The following FLG variants were observed in gnomAD, a reference collection of about 807,000 sequenced individuals.
The protein encoded by FLG is epidermal filaggrin.
Under a neutral mutation model 3.8 loss-of-function variants are expected in FLG, and 6 were observed. That is an observed-to-expected ratio of 1.60 (90% confidence interval 0.87 to 3.15). FLG has a LOEUF of 3.15. Among genes scored for constraint, FLG ranks in the 30% most tolerant of loss-of-function variants. The probability of loss-of-function intolerance (pLI) is 0.00; values close to 1 mark genes in which losing one functional copy is unlikely to be tolerated. For missense variants in FLG, 7,595 were observed against 5,050.9 expected (o/e 1.50, Z -15.27); for synonymous variants, 2,551 against 1,931.6 (o/e 1.32, Z -8.41).
Position 152,309,372 on chromosome 1 carries a change from G to A in FLG, c.5514C>T (p.His1838=), listed in dbSNP as rs758272285. ...TGGTGTGGCTGTGATGAGACCCTGA[G>A]TGTCCAGAACTATCTACCGATTGCT... The part of the protein sequence containing the change: ...HYEQSVDSSG[H]SGSHHSHTTS... The change falls in exon 3 of 3, where the codon CAC becomes CAT. Residue 1838 remains histidine, a synonymous_variant. Transcript: ENST00000368799. 2.5e-6 allele frequency: 4 copies of A among 1,613,872 alleles called. No homozygotes were observed. The East Asian group carries it at 6.7e-5, about 27-fold the overall frequency.
Position 152,308,939 on chromosome 1 carries a change from C to T in FLG, c.5947G>A (p.Glu1983Lys). 1 of 1,614,144 alleles carries T rather than the reference C, an allele frequency of 6.2e-7. No homozygotes were observed. Among genetic ancestry groups the T allele is most frequent in the Non-Finnish European group, 8.5e-7 (1 of 1,179,998 alleles). ...SSRQSGTRHT[E>K]SSSRGQAASS... Reference sequence around the variant, plus strand: ...GCAGCCTGTCCACGAGAGGAAGACTCTGTGTGACGAGTGCCTGATTGTCTG... The same window carrying T: ...GCAGCCTGTCCACGAGAGGAAGACTTTGTGTGACGAGTGCCTGATTGTCTG... Residue 1983 changes from glutamate to lysine, a missense_variant, in exon 3 of 3, where the codon GAG becomes AAG. Glu to Lys is a moderately conservative substitution (Grantham distance 56). Transcript: ENST00000368799.
Position 152,307,186 on chromosome 1 carries a change from A to C in FLG, c.7700T>G (p.Phe2567Cys), listed in dbSNP as rs764250530. The change falls in exon 3 of 3, where the codon TTT becomes TGT. Residue 2567 changes from phenylalanine (F) to cysteine (C), a missense_variant. Transcript: ENST00000368799. ...TCCCTGACTGTCACTGTCCTGGCTA[A>C]AACTGGATCCCCAGTTCCTGCTTGT... is the stretch of plus-strand genomic sequence containing the variant. ...PRTSRNWGSS[F>C]SQDSDSQGHS... The C allele has an allele frequency of 1.4e-5, 23 of 1,612,404 alleles. 1 individual carries two copies. In the Admixed American group the frequency reaches 3.8e-4, roughly 27 times the overall value.
At position 152,303,462 on chromosome 1, in the gene FLG, A is replaced by C; in HGVS notation, c.11424T>G (p.Ser3808Arg). Residue 3808 changes from serine to arginine, a missense_variant, in exon 3 of 3, where the codon AGT (serine) becomes AGG (arginine). Transcript: ENST00000368799. ...DASHGQSGSRSASRETRNEEQ... is the reference protein window; with the variant it reads ...DASHGQSGSRRASRETRNEEQ... The stretch of plus-strand genomic sequence containing the variant: ...CCTCATTACGTGTTTCTCTGCTTGC[A>C]CTTCTGGATCCTGACTGCCCATGGG... 1 of 1,613,848 alleles carries C rather than the reference A, an allele frequency of 6.2e-7. No individual in the cohort carries two copies. Among genetic ancestry groups the C allele is most frequent in the Non-Finnish European group, 8.5e-7 (1 of 1,179,962 alleles).
Position 152,310,031 on chromosome 1 carries a change from A to C in FLG, c.4855T>G (p.Tyr1619Asp), listed in dbSNP as rs1470787265. Reference sequence around the variant, plus strand: ...CTTGACTGCTCCCGAGCAGATCCATAATGGTTTCTGGAAGCCGACTCAGAC... The same window carrying C: ...CTTGACTGCTCCCGAGCAGATCCATCATGGTTTCTGGAAGCCGACTCAGAC... ...RRSESASRNHYGSAREQSRHG... is the reference protein window; with the variant it reads ...RRSESASRNHDGSAREQSRHG... The change falls in exon 3 of 3, where the codon TAT (tyrosine) becomes GAT (aspartate). Residue 1619 changes from tyrosine (Y) to aspartate (D), a missense_variant. Transcript: ENST00000368799. The C allele has an allele frequency of 3.7e-6, 6 of 1,612,376 alleles. No individual in the cohort carries two copies. Among genetic ancestry groups the C allele is most frequent in the Non-Finnish European group, 5.1e-6 (6 of 1,179,708 alleles).
At position 152,302,719 on chromosome 1, in the gene FLG, C is replaced by A; in HGVS notation, c.12167G>T (p.Arg4056Ile). 1 of 1,613,616 alleles carries A rather than the reference C, an allele frequency of 6.2e-7. No individual in the cohort carries two copies. Among genetic ancestry groups the A allele is most frequent in the African/African-American group, 1.3e-5 (1 of 75,038 alleles). ...SKQLGFSQSQ[R>I]YYYYE ...AATTTCTTACTCATAGTAATAGTAT[C>A]TCTGTGACTGACTAAATCCCAGTTG... The change falls in exon 3 of 3, where the codon AGA (arginine) becomes ATA (isoleucine). Residue 4056 changes from arginine (R) to isoleucine (I), a missense_variant. Coordinates refer to ENST00000368799, the MANE Select transcript of FLG (RefSeq NM_002016.2).
Position 152,303,018 on chromosome 1 carries a change from A to G in FLG, c.11868T>C (p.Tyr3956=), listed in dbSNP as rs755341966. The G allele has an allele frequency of 9.9e-6, 16 of 1,614,080 alleles. 1 individual carries two copies. Among genetic ancestry groups the G allele is most frequent in the South Asian group, 7.7e-5 (7 of 91,082 alleles). The stretch of plus-strand genomic sequence containing the variant: ...TTTCAGTGCCCTCAGATTGATAATG[A>G]TAAGAACTAGAACTGTGAGGACTGC... ...SRGSPHSSSS[Y]HYQSEGTERQ... Residue 3956 remains tyrosine, a synonymous_variant, in exon 3 of 3, where the codon TAT becomes TAC. Coordinates refer to ENST00000368799, the MANE Select transcript of FLG (RefSeq NM_002016.2).
At position 152,312,346 on chromosome 1, in the gene FLG, GA is replaced by G; in HGVS notation, c.2539del (p.Ser847GlnfsTer15). On this transcript the variant is annotated frameshift_variant, in exon 3 of 3. Coordinates refer to ENST00000368799, the MANE Select transcript of FLG (RefSeq NM_002016.2). LOFTEE classifies it low-confidence loss of function (END_TRUNC). The part of the protein sequence containing the change: ...GQDTIRGHPG[S>X]SRRGRQGSHH... ...GGACCCCTGCCTTCCTCTTCTGCTT[GA>G]CCCCGGGTGTCCACGAATGGTGTCC... The G allele has an allele frequency of 1.2e-6, 2 of 1,611,872 alleles. No homozygotes were observed. Among genetic ancestry groups the G allele is most frequent in the Non-Finnish European group, 1.7e-6 (2 of 1,179,432 alleles).
Position 152,305,325 on chromosome 1 carries a change from A to G in FLG, c.9561T>C (p.Thr3187=), listed in dbSNP as rs535902302. The G allele has an allele frequency of 1.4e-5, 22 of 1,609,744 alleles. No homozygotes were observed. The highest frequency in any genetic ancestry group is 1.9e-5 in the Non-Finnish European group (22 of 1,179,244). Residue 3187 remains threonine (T), a synonymous_variant, in exon 3 of 3, where the codon ACT becomes ACC. Transcript: ENST00000368799. The stretch of plus-strand genomic sequence containing the variant: ...GTGAGTGTCTAGAGATGTCGGCATG[A>G]GTGGAAGCTTCATGGTGACGTGACA... ...HSVSRHHEAS[T]HADISRHSQA...
At position 152,311,954 on chromosome 1, in the gene FLG, A is replaced by G. The variant is rs544204580; in HGVS notation, c.2932T>C (p.Ser978Pro). The G allele has an allele frequency of 4.6e-4, 749 of 1,613,662 alleles. 5 individuals are homozygous for G. The African/African-American group carries it at 9.1e-3, about 20-fold the overall frequency. The change falls in exon 3 of 3, where the codon TCA becomes CCA. Residue 978 changes from serine (S) to proline (P), a missense_variant. Physicochemically the swap from Ser to Pro is moderately conservative, Grantham distance 74. Transcript: ENST00000368799. ...CTGGGGTGTCTGGAGCCATGTCTTG[A>G]CTGCTCCTGAGCAGATCCACGATGG... The part of the protein sequence containing the change: ...RNHRGSAQEQ[S>P]RHGSRHPRSH...
At position 152,314,062 on chromosome 1, in the gene FLG, C is replaced by A. The variant is rs577951951; in HGVS notation, c.824G>T (p.Arg275Ile). The change falls in exon 3 of 3, where the codon AGA becomes ATA. Residue 275 changes from arginine (R) to isoleucine (I), a missense_variant. Coordinates refer to ENST00000368799, the MANE Select transcript of FLG (RefSeq NM_002016.2). ...GKSSSQVNRSRHENTSQVPLQ... is the reference protein window; with the variant it reads ...GKSSSQVNRSIHENTSQVPLQ... ...TGGTACCTGGCTTGTATTTTCATGT[C>A]TTGACCTGTTCACTTGAGATGATGA... 1.9e-6 allele frequency: 3 copies of A among 1,614,190 alleles called. No individual in the cohort carries two copies. The highest frequency in any genetic ancestry group is 2.7e-5 in the African/African-American group (2 of 75,048).
Position 152,304,820 on chromosome 1 carries a change from A to G in FLG, c.10066T>C (p.Ser3356Pro). 6.2e-7 allele frequency: 1 copy of G among 1,613,728 alleles called. No individual in the cohort carries two copies. Among genetic ancestry groups the G allele is most frequent in the South Asian group, 1.1e-5 (1 of 90,996 alleles). ...TGGGGCCCAGCCTGTCCATGGCCTG[A>G]CACTGACTGTGTGTCTGACTCTTCT... is the stretch of plus-strand genomic sequence containing the variant. ...HSEESDTQSV[S>P]GHGQAGPHQQ... is the part of the protein sequence containing the mutation. The change falls in exon 3 of 3, where the codon TCA becomes CCA. Residue 3356 changes from serine to proline, a missense_variant. Transcript: ENST00000368799.
At position 152,311,903 on chromosome 1, in the gene FLG, G is replaced by T. The variant is rs770004815; in HGVS notation, c.2983C>A (p.His995Asn). Residue 995 changes from histidine (H) to asparagine (N), a missense_variant, in exon 3 of 3, where the codon CAC becomes AAC. Transcript: ENST00000368799. ...PRSHHEDRAG[H>N]GHSADSSRQS... ...CTGGAGCTGTCTGCAGAGTGCCCGTGACCGGCTCTGTCTTCGTGATGGGAC... is the reference window on the plus strand; with the variant it reads ...CTGGAGCTGTCTGCAGAGTGCCCGTTACCGGCTCTGTCTTCGTGATGGGAC... The T allele has an allele frequency of 1.2e-6, 2 of 1,614,140 alleles. No individual in the cohort carries two copies. Among genetic ancestry groups the T allele is most frequent in the South Asian group, 1.1e-5 (1 of 91,056 alleles).
Position 152,308,158 on chromosome 1 carries a change from A to G in FLG, c.6728T>C (p.Val2243Ala). Residue 2243 changes from valine (V) to alanine (A), a missense_variant, in exon 3 of 3, where the codon GTT becomes GCT. Coordinates refer to ENST00000368799, the MANE Select transcript of FLG (RefSeq NM_002016.2). ...PRTSRPRGSS[V>A]SQDSDSEGHS... ...TCCCTCACTGTCACTGTCCTGGCTA[A>G]CACTGGATCCCCGGGGCCTGCTTGT... 6.2e-7 allele frequency: 1 copy of G among 1,613,574 alleles called. No homozygotes were observed. Among genetic ancestry groups the G allele is most frequent in the Non-Finnish European group, 8.5e-7 (1 of 1,179,886 alleles).
In FLG at chr1:152,305,083, G is replaced by T; in HGVS notation, c.9803C>A (p.Ala3268Glu). The change falls in exon 3 of 3, where the codon GCA becomes GAA. Residue 3268 changes from alanine (A) to glutamate (E), a missense_variant. Ala to Glu is a moderately radical substitution (Grantham distance 107). Coordinates refer to ENST00000368799, the MANE Select transcript of FLG (RefSeq NM_002016.2). ...AGTGCCTGATTGTCTGGAGCGGTCT[G>T]CAGAGTGCCCGTGACCGGCTCTGTC... ...HEDRAGHGHSADRSRQSGTRH... is the reference protein window; with the variant it reads ...HEDRAGHGHSEDRSRQSGTRH... The T allele has an allele frequency of 6.2e-7, 1 of 1,613,920 alleles. No individual in the cohort carries two copies. Among genetic ancestry groups the T allele is most frequent in the East Asian group, 2.2e-5 (1 of 44,852 alleles).
rs3120644 is a variant in FLG at position 152,306,139 on chromosome 1, T to C, written c.8747A>G (p.His2916Arg). ...TCTTAGCTGCTCCTGAGCAGATCCATGATGGTTTCTGGAAGCAGACCCAGA... is the reference window on the plus strand; with the variant it reads ...TCTTAGCTGCTCCTGAGCAGATCCACGATGGTTTCTGGAAGCAGACCCAGA... ...RWSGSASRNHHGSAQEQLRDG... is the reference protein window; with the variant it reads ...RWSGSASRNHRGSAQEQLRDG... The change falls in exon 3 of 3, where the codon CAT (histidine) becomes CGT (arginine). Residue 2916 changes from histidine to arginine, a missense_variant. Physicochemically the swap from His to Arg is conservative, Grantham distance 29. Coordinates refer to ENST00000368799, the MANE Select transcript of FLG (RefSeq NM_002016.2). 2.9e-4 allele frequency: 464 copies of C among 1,599,362 alleles called. 2 individuals carry two copies. Among genetic ancestry groups the C allele is most frequent in the East Asian group, 1.2e-3 (52 of 44,770 alleles).
At position 152,310,629 on chromosome 1, in the gene FLG, A is replaced by G. The variant is rs1179528833; in HGVS notation, c.4257T>C (p.His1419=). 4 of 1,613,710 alleles carry G rather than the reference A, an allele frequency of 2.5e-6. No individual in the cohort carries two copies. Among genetic ancestry groups the G allele is most frequent in the Non-Finnish European group, 2.5e-6 (3 of 1,179,972 alleles). Residue 1419 remains histidine (H), a synonymous_variant, in exon 3 of 3, where the codon CAT becomes CAC. Transcript: ENST00000368799. ...SVSAHGQAGP[H]QQSHKESARG... The stretch of plus-strand genomic sequence containing the variant: ...GTGCGGACTCTTTGTGGCTCTGCTG[A>G]TGGGGCCCAGCTTGTCCGTGGGCTG...
Position 152,307,792 on chromosome 1 carries a change from C to T in FLG, c.7094G>A (p.Gly2365Asp). ...VRDSGHRGSSGSQASDSEGHS... is the reference protein window; with the variant it reads ...VRDSGHRGSSDSQASDSEGHS... ...TCCCTCACTGTCACTGGCCTGACTA[C>T]CACTGGACCCTCGGTGTCCACTGTC... is the stretch of plus-strand genomic sequence containing the variant. Residue 2365 changes from glycine (G) to aspartate (D), a missense_variant, in exon 3 of 3, where the codon GGT (glycine) becomes GAT (aspartate). Gly to Asp is a moderately conservative substitution (Grantham distance 94, BLOSUM62 -1). Coordinates refer to ENST00000368799, the MANE Select transcript of FLG (RefSeq NM_002016.2). 6.2e-7 allele frequency: 1 copy of T among 1,612,994 alleles called. No homozygotes were observed.
rs1307883022 is a variant in FLG, at chr1:152,309,343, G to A, written c.5543C>T (p.Ser1848Phe). Reference sequence around the variant, plus strand: ...ACGGGAGACATCAGACCTTTCCTGGGACGTGGTGTGGCTGTGATGAGACCC... The same window carrying A: ...ACGGGAGACATCAGACCTTTCCTGGAACGTGGTGTGGCTGTGATGAGACCC... ...HSGSHHSHTT[S>F]QERSDVSRGQ... Residue 1848 changes from serine (S) to phenylalanine (F), a missense_variant, in exon 3 of 3, where the codon TCC (serine) becomes TTC (phenylalanine). Coordinates refer to ENST00000368799, the MANE Select transcript of FLG (RefSeq NM_002016.2). 7.4e-6 allele frequency: 12 copies of A among 1,613,882 alleles called. No individual in the cohort carries two copies. The highest frequency in any genetic ancestry group is 9.3e-6 in the Non-Finnish European group (11 of 1,179,986).
At chr1:152,323,746 A>T (rs1369837339) in intron 1 of FLG, among the ~76,000 whole-genome samples, 1 of 151,634 alleles carries the variant, frequency 6.6e-6, no homozygotes, top group African/African-American at 2.4e-5. Flanking sequence ...ATTGTTTGAC[A>T]GTATCTAAGT....
Sources: gnomAD v4.1 joint callset for allele counts (sites outside exome capture counted in the v4.1 genomes callset) on GRCh38, gnomAD v4.1.1 for gene constraint, MANE v1.5 for transcripts, NCBI Gene and HGNC (gene_info 2026-07-23, HGNC 2026-07-21) for gene names.